ANK2: variants seen among roughly 807,000 people sequenced by gnomAD.
ANK2 encodes the protein ankyrin 2.
ANK2 carries 83 observed loss-of-function variants against 360.5 expected under a neutral mutation model. The ratio of observed to expected loss-of-function variants is 0.23; its 90% CI spans 0.19 to 0.28. ANK2 has a LOEUF of 0.28. ANK2 is among the 10% of genes least tolerant of loss of function. ANK2 has a pLI of 1.00. For missense variants in ANK2, 4,201 were observed against 4,795.7 expected (o/e 0.88, Z 3.66); for synonymous variants, 1,740 against 1,759.5 (o/e 0.99, Z 0.28).
chr4:113,206,302 T>A (rs973550378), intron 4 of ANK2, among the ~76,000 whole-genome samples: 1 of 152,164 alleles, frequency 6.6e-6, no homozygotes, highest in South Asian at 2.1e-4. Context: ...GTCCATGCAT[T>A]CTCATTATTC....
chr4:113,031,005 A>G (rs2060284942), intron 2 of ANK2, among the ~76,000 whole-genome samples: 1 of 152,026 alleles, frequency 6.6e-6, no homozygotes. Context: ...ATGAGAGACA[A>G]AGAGAATAGT....
chr4:112,778,694 G>C, the ANK2 span, among the ~76,000 whole-genome samples: 2 of 152,178 alleles, frequency 1.3e-5, no homozygotes, highest in Non-Finnish European at 2.9e-5. Flanking sequence ...TCGCTGACAA[G>C]GGGCGCCAGC....
At chr4:112,760,181 C>T in the ANK2 span, among the ~76,000 whole-genome samples, 2 of 140,572 alleles carry the variant, frequency 1.4e-5, no homozygotes, top group Admixed American at 7.9e-5. Context: ...TTTTCAAATT[C>T]CATATTCTTT....
chr4:113,380,757 A>G (rs561402425), intron 45 of ANK2, among the ~76,000 whole-genome samples: 2 of 152,284 alleles, frequency 1.3e-5, no homozygotes, highest in African/African-American at 4.8e-5. Context: ...AAATACACAA[A>G]ATGAGCAACA....
chr4:112,750,059 C>T, the ANK2 span, among the ~76,000 whole-genome samples: 1 of 152,006 alleles, frequency 6.6e-6, no homozygotes, highest in African/African-American at 2.4e-5. Flanking sequence ...CTGTAGGTAA[C>T]TTCTAACACA....
At chr4:112,774,156 G>A in the ANK2 span, among the ~76,000 whole-genome samples, 2 of 151,886 alleles carry the variant, frequency 1.3e-5, no homozygotes, top group Non-Finnish European at 2.9e-5. Flanking sequence ...GGTAAGTGGT[G>A]TAAGAGACAA....
intron 2 of ANK2, among the ~76,000 whole-genome samples, chr4:112,921,549 C>CT (rs924024444): frequency 1.1e-4 from 16 of 152,060 alleles, no homozygotes; most frequent in African/African-American, 3.9e-4. Flanking sequence ...TCATAGCACA[C>CT]TACAACCTCC....
intron 17 of ANK2, among the ~76,000 whole-genome samples, chr4:113,280,748 G>A (rs1182016416): frequency 1.3e-5 from 2 of 152,168 alleles, no homozygotes; most frequent in African/African-American, 4.8e-5. Context: ...TGTAGGTTGA[G>A]TATCTACCAG....
At chr4:112,834,052 A>C (rs1378236566) in intron 1 of ANK2, among the ~76,000 whole-genome samples, 1 of 152,200 alleles carries the variant, frequency 6.6e-6, no homozygotes, top group East Asian at 1.9e-4. Context: ...TGTCTTGAAG[A>C]TTATTCTCTG....
chr4:113,246,397 T>C (rs1203815565), intron 9 of ANK2, among the ~76,000 whole-genome samples: 1 of 152,216 alleles, frequency 6.6e-6, no homozygotes, highest in Admixed American at 6.5e-5. Flanking sequence ...ATTCTCATCA[T>C]TGACTACTAT....
chr4:113,015,156 C>T (rs1467128121), intron 2 of ANK2, among the ~76,000 whole-genome samples: 1 of 152,116 alleles, frequency 6.6e-6, no homozygotes, highest in Non-Finnish European at 1.5e-5. Context: ...CCGCGCCCGG[C>T]CAGAGCTTTT....
At chr4:113,304,941 ATTAT>A (rs1270000420) in intron 23 of ANK2, among the ~76,000 whole-genome samples, 8 of 152,224 alleles carry the variant, frequency 5.3e-5, no homozygotes, top group Non-Finnish European at 1.2e-4. Flanking sequence ...TTGAATAGTG[ATTAT>A]TTAATTTAAA....
In ANK2 at chr4:113,264,927, C is replaced by A. The variant is rs864622760; in HGVS notation, c.1417C>A (p.Arg473=). The A allele has an allele frequency of 1.3e-6, 2 of 1,567,708 alleles. No individual in the cohort carries two copies. The highest frequency in any genetic ancestry group is 1.7e-6 in the Non-Finnish European group (2 of 1,155,248). ...RGETALHMAA[R]AGQVEVVRCL... Reference sequence around the variant, plus strand: ...TGAGACGGCACTACACATGGCAGCCCGAGCCGGGCAGGTGGAAGTGGTCCG... The same window carrying A: ...TGAGACGGCACTACACATGGCAGCCAGAGCCGGGCAGGTGGAAGTGGTCCG... Residue 473 remains arginine, a synonymous_variant, in exon 14 of 46, where the codon CGA becomes AGA. Coordinates refer to ENST00000357077, the MANE Select transcript of ANK2 (RefSeq NM_001148.6).
intron 1 of ANK2, among the ~76,000 whole-genome samples, chr4:113,138,346 C>T (rs1012815943): frequency 1.3e-5 from 2 of 152,120 alleles, no homozygotes; most frequent in Non-Finnish European, 1.5e-5. Context: ...ATCATAATAC[C>T]ATATTTTACA....
intron 4 of ANK2, among the ~76,000 whole-genome samples, chr4:113,208,512 A>T (rs960530933): frequency 4.0e-5 from 6 of 151,558 alleles, no homozygotes; most frequent in African/African-American, 1.5e-4. Context: ...ATTTTATTTT[A>T]TTTTTTTTGA....
intron 2 of ANK2, among the ~76,000 whole-genome samples, chr4:113,003,290 T>A (rs2051487406): frequency 6.6e-6 from 1 of 152,188 alleles, no homozygotes; most frequent in African/African-American, 2.4e-5. Flanking sequence ...AGGCATGACA[T>A]GTTTTTGCTT....
Position 113,358,719 on chromosome 4 carries a change from T to A in ANK2, c.10101T>A (p.Ser3367=). ...AGCAGCTCTCAGATCTAGACACCTC[T>A]GTCCAGAAGACAGTGGCTCCTCAGG... is the stretch of plus-strand genomic sequence containing the variant. ...VEQQLSDLDT[S]VQKTVAPQGQ... is the part of the protein sequence containing the mutation. Residue 3367 remains serine (S), a synonymous_variant, in exon 38 of 46, where the codon TCT becomes TCA. Coordinates refer to ENST00000357077, the MANE Select transcript of ANK2 (RefSeq NM_001148.6). 2.5e-6 allele frequency: 4 copies of A among 1,614,092 alleles called. No individual in the cohort carries two copies. The highest frequency in any genetic ancestry group is 3.4e-6 in the Non-Finnish European group (4 of 1,179,960).
At chr4:113,362,421 T>C (rs186323400) in intron 39 of ANK2, among the ~76,000 whole-genome samples, 1 of 151,986 alleles carries the variant, frequency 6.6e-6, no homozygotes, top group Non-Finnish European at 1.5e-5. Context: ...TATGTAATGG[T>C]TTTTTGTTTG....
the ANK2 span, among the ~76,000 whole-genome samples, chr4:112,738,322 G>A: frequency 6.7e-6 from 1 of 149,502 alleles, no homozygotes; most frequent in Admixed American, 6.8e-5. Flanking sequence ...TGAGGCCAGA[G>A]AATCGCTTGA....
Sources: gnomAD v4.1 joint callset for allele counts (sites outside exome capture counted in the v4.1 genomes callset) on GRCh38, gnomAD v4.1.1 for gene constraint, MANE v1.5 for transcripts, NCBI Gene and HGNC (gene_info 2026-07-23, HGNC 2026-07-21) for gene names.